PBX1: variants seen among roughly 807,000 people sequenced by gnomAD.
The protein encoded by PBX1 is pre-B-cell leukemia transcription factor 1.
Under a neutral mutation model 53.4 loss-of-function variants are expected in PBX1, and 6 were observed. The ratio of observed to expected loss-of-function variants is 0.11; its 90% CI spans 0.06 to 0.22. PBX1 has a LOEUF of 0.22. Ranked by LOEUF, PBX1 falls within the 10% of genes least tolerant of loss-of-function variation. The pLI is 1.00. For missense variants in PBX1, 251 were observed against 551.4 expected, an observed-to-expected ratio of 0.46 and a Z score of 5.46; for synonymous variants, 204 against 212.3, an observed-to-expected ratio of 0.96 and a Z score of 0.34.
intron 2 of PBX1, among the ~76,000 whole-genome samples, chr1:164,689,280 A>C (rs1662314629): frequency 6.6e-6 from 1 of 151,988 alleles, no homozygotes; most frequent in Non-Finnish European, 1.5e-5. Context: ...CAAATAGTTA[A>C]CTGAAGTGGA....
At chr1:164,659,467 A>G (rs144125230) in intron 2 of PBX1, among the ~76,000 whole-genome samples, 173 of 152,352 alleles carry the variant, frequency 1.1e-3, no homozygotes, top group Middle Eastern at 3.4e-3. Context: ...ATCACCTTAC[A>G]TAGCACCAAA....
rs534326710 is a variant in PBX1, at chr1:164,803,453, G to GAGACACA, written c.701+3567_701+3573dup. 3.3e-5 allele frequency among the ~76,000 whole-genome samples: 5 copies of GAGACACA among 152,336 alleles called. No individual in the cohort carries two copies. In the South Asian group the frequency reaches 1.0e-3, roughly 32 times the overall value. ...TTCCTTGAGTGCTTACTATATGCGTGAGACACAAGGGTCTCAAATATGAGT... is the reference window on the plus strand; with the variant it reads ...TTCCTTGAGTGCTTACTATATGCGTGAGACACAAGACACAAGGGTCTCAAATATGAGT... On this transcript the variant is annotated intron_variant, in intron 4 of 8. Transcript: ENST00000420696.
At position 164,849,244 on chromosome 1, in the gene PBX1, A is replaced by C; in HGVS notation, c.*2568A>C. 6.6e-7 allele frequency: 1 copy of C among 1,516,454 alleles called. No homozygotes were observed. Among genetic ancestry groups the C allele is most frequent in the Non-Finnish European group, 8.8e-7 (1 of 1,135,328 alleles). The allele number at this position is 1,516,454 out of a possible 1,614,324, so 93.9% of individuals were successfully genotyped here. On this transcript the variant is annotated 3_prime_UTR_variant, in exon 9 of 9. Coordinates refer to ENST00000420696, the MANE Select transcript of PBX1 (RefSeq NM_002585.4). ...AAGATCAGAACAGGGCTACATTTGC[A>C]CAGGCAGTTTCTCTCCGGGCCGTAG...
chr1:164,696,022 T>G (rs570599409), intron 2 of PBX1, among the ~76,000 whole-genome samples: 1 of 152,326 alleles, frequency 6.6e-6, no homozygotes, highest in South Asian at 2.1e-4. Context: ...GTGAGGCCCA[T>G]GTGCTTGCCA....
chr1:164,626,484 C>G (rs1333635273), intron 2 of PBX1, among the ~76,000 whole-genome samples: 1 of 152,130 alleles, frequency 6.6e-6, no homozygotes, highest in African/African-American at 2.4e-5. Flanking sequence ...AAGACAGACA[C>G]ATACTTATCT....
chr1:164,828,191 T>A (rs1238559227), intron 8 of PBX1, among the ~76,000 whole-genome samples: 1 of 152,210 alleles, frequency 6.6e-6, no homozygotes. Context: ...TAGAACTAGT[T>A]GCAATGAGTT....
At chr1:164,673,992 C>G (rs147364078) in intron 2 of PBX1, among the ~76,000 whole-genome samples, 2 of 152,228 alleles carry the variant, frequency 1.3e-5, no homozygotes, top group African/African-American at 2.4e-5. Flanking sequence ...GAAACTGGGG[C>G]ACAGAGATGA....
chr1:164,867,475 A>G (rs1426150199), intron 2 of PBX1, among the ~76,000 whole-genome samples: 1 of 152,210 alleles, frequency 6.6e-6, no homozygotes, highest in African/African-American at 2.4e-5. Flanking sequence ...ACCATTTGTG[A>G]TTTGAAAATT....
At chr1:164,707,567 AGAAGAACCCAATGCTGGAAT>A (rs1663513388) in intron 2 of PBX1, among the ~76,000 whole-genome samples, 1 of 152,166 alleles carries the variant, frequency 6.6e-6, no homozygotes. Flanking sequence ...AAAGAGAATA[AGAAGAACCCAATGCTGGAAT>A]GAATTTATGC....
chr1:164,876,007 C>CATAT (rs1318941950), intron 2 of PBX1, among the ~76,000 whole-genome samples: 1 of 113,688 alleles, frequency 8.8e-6, no homozygotes, highest in Non-Finnish European at 1.9e-5. Flanking sequence ...TATATATATA[C>CATAT]ACACATACAC....
rs948861867 is a variant in PBX1 at position 164,752,808 on chromosome 1, T to C, written c.266-39686T>C. On this transcript the variant is annotated intron_variant, in intron 2 of 8. Transcript: ENST00000420696. ...GGAATCTGCACGCTTTGGCCTGTCA[T>C]TGGGGTAAGGAAGATGAAGTCCTTG... Among the ~76,000 whole-genome samples, 4 of 152,290 alleles carry C rather than the reference T, an allele frequency of 2.6e-5. No individual in the cohort carries two copies. The South Asian group carries it at 6.2e-4, about 24-fold the overall frequency.
intron 2 of PBX1, among the ~76,000 whole-genome samples, chr1:164,729,854 A>T (rs934405955): frequency 1.3e-5 from 2 of 150,478 alleles, no homozygotes; most frequent in Non-Finnish European, 3.0e-5. Context: ...TTAATATAAT[A>T]AGTAAATATT....
chr1:164,792,408 T>A, intron 2 of PBX1, 86 bp from the exon 3 acceptor site: 1 of 1,544,724 alleles, frequency 6.5e-7, no homozygotes. Flanking sequence ...TGGCAGCTTA[T>A]GTAGCCAAAG....
intron 2 of PBX1, among the ~76,000 whole-genome samples, chr1:164,638,966 C>T (rs1658955226): frequency 6.6e-6 from 1 of 152,148 alleles, no homozygotes. Context: ...TAGGTACTGC[C>T]TGCCCGTTTT....
Position 164,849,239 on chromosome 1 carries a change from T to A in PBX1, c.*2563T>A. ...TGCAAAAGATCAGAACAGGGCTACA[T>A]TTGCACAGGCAGTTTCTCTCCGGGC... On this transcript the variant is annotated 3_prime_UTR_variant, in exon 9 of 9. Transcript: ENST00000420696. The A allele has an allele frequency of 2.0e-6, 3 of 1,512,694 alleles. No individual in the cohort carries two copies. The highest frequency in any genetic ancestry group is 2.6e-6 in the Non-Finnish European group (3 of 1,133,330). The allele number at this position is 1,512,694 out of a possible 1,614,324, so 93.7% of individuals were successfully genotyped here.
intron 2 of PBX1, among the ~76,000 whole-genome samples, chr1:164,781,728 C>T (rs567623064): frequency 2.6e-5 from 4 of 152,228 alleles, no homozygotes; most frequent in Non-Finnish European, 4.4e-5. Flanking sequence ...CTTCTTTTGC[C>T]TCTGCTGATA....
intron 1 of PBX1, among the ~76,000 whole-genome samples, chr1:164,562,591 A>C (rs1407577269): frequency 1.3e-5 from 2 of 152,176 alleles, no homozygotes; most frequent in Non-Finnish European, 2.9e-5. Flanking sequence ...AACACCTGCA[A>C]ATAAGCAGTG....
intron 2 of PBX1, among the ~76,000 whole-genome samples, chr1:164,751,188 G>A (rs1666191427): frequency 6.6e-6 from 1 of 151,802 alleles, no homozygotes; most frequent in Non-Finnish European, 1.5e-5. Context: ...GGTGGTGCAT[G>A]CCTGTAATCC....
intron 2 of PBX1, among the ~76,000 whole-genome samples, chr1:164,668,409 A>C (rs1001159253): frequency 6.6e-6 from 1 of 151,970 alleles, no homozygotes; most frequent in African/African-American, 2.4e-5. Context: ...AAATTCTCTC[A>C]CCTCTCACAC....
Sources: gnomAD v4.1 joint callset for allele counts (sites outside exome capture counted in the v4.1 genomes callset) on GRCh38, gnomAD v4.1.1 for gene constraint, MANE v1.5 for transcripts, NCBI Gene and HGNC (gene_info 2026-07-23, HGNC 2026-07-21) for gene names.